Variants in EPB41L4B observed in about 807,000 individuals in gnomAD.
The protein encoded by EPB41L4B is erythrocyte membrane protein band 4.1 like 4B.
A neutral mutation model predicts 112.5 loss-of-function variants in EPB41L4B; 30 were observed. The ratio of observed to expected loss-of-function variants is 0.27; its 90% CI spans 0.20 to 0.36. The LOEUF (loss-of-function observed/expected upper bound fraction) is 0.36. Ranked by LOEUF, EPB41L4B falls within the 10% of genes least tolerant of loss-of-function variation. The pLI is 1.00. For missense variants in EPB41L4B, 1,024 were observed against 1,133.3 expected (o/e 0.90, Z 1.38); for synonymous variants, 408 against 439.7 (o/e 0.93, Z 0.90).
chr9:109,314,189 C>T lies in EPB41L4B; in HGVS notation c.306+5952G>A, dbSNP rs534239369. 4.6e-5 allele frequency among the ~76,000 whole-genome samples: 7 copies of T among 152,258 alleles called. No individual in the cohort carries two copies. The South Asian group carries it at 8.3e-4, about 18-fold the overall frequency. On this transcript the variant is annotated intron_variant, in intron 1 of 25. Transcript: ENST00000374566. ...GCCCGGGGAGGAGCCCACTCCCAGC[C>T]GGCCAAAGGAAGTCAAGCAGTGGGC...
Position 109,251,472 on chromosome 9 carries a change from G to A in EPB41L4B, c.1310+9C>T. ...GGAGAGCTGTGCTCTAGAGCTCAAG[G>A]ACACTCACCAGAGCTGGGCTGCTAT... On this transcript the variant is annotated intron_variant, in intron 13 of 25. Coordinates refer to ENST00000374566, the MANE Select transcript of EPB41L4B (RefSeq NM_019114.5). 1 of 1,612,888 alleles carries A rather than the reference G, an allele frequency of 6.2e-7. No individual in the cohort carries two copies. The highest frequency in any genetic ancestry group is 8.5e-7 in the Non-Finnish European group (1 of 1,178,808).
intron 6 of EPB41L4B, among the ~76,000 whole-genome samples, chr9:109,261,308 G>A (rs570215487): frequency 3.3e-5 from 5 of 152,166 alleles, no homozygotes; most frequent in South Asian, 2.1e-4. Context: ...AGTTCTTGGC[G>A]GGGGTGGGGT....
At chr9:109,241,741 T>C in intron 15 of EPB41L4B, 1 of 1,614,216 alleles carries the variant, frequency 6.2e-7, no homozygotes, top group South Asian at 1.1e-5. Flanking sequence ...GTCGTGGACA[T>C]AATCAAAATG....
At chr9:109,243,252 A>C (rs1268719179) in intron 15 of EPB41L4B, among the ~76,000 whole-genome samples, 3 of 151,642 alleles carry the variant, frequency 2.0e-5, no homozygotes, top group East Asian at 3.9e-4. Context: ...AAAAAAAAAA[A>C]ACCCCATGAC....
At chr9:109,300,061 T>C (rs1271243638) in intron 1 of EPB41L4B, 1 of 152,024 alleles carries the variant, frequency 6.6e-6, no homozygotes, top group African/African-American at 2.4e-5. Flanking sequence ...AGAGACTAGG[T>C]GGGGCGGGGG....
At chr9:109,316,996 T>C (rs1837658548) in intron 1 of EPB41L4B, among the ~76,000 whole-genome samples, 1 of 152,002 alleles carries the variant, frequency 6.6e-6, no homozygotes, top group African/African-American at 2.4e-5. Context: ...TCCCAGCTAC[T>C]AGAGAGGCTG....
At chr9:109,288,874 G>C (rs1363868735) in intron 1 of EPB41L4B, among the ~76,000 whole-genome samples, 1 of 151,338 alleles carries the variant, frequency 6.6e-6, no homozygotes, top group Non-Finnish European at 1.5e-5. Context: ...ACTCTAGCCT[G>C]GATAACACAG....
chr9:109,200,430 A>G (rs1177781267), intron 19 of EPB41L4B, 96 bp from the exon 20 acceptor site: 1 of 818,836 alleles, frequency 1.2e-6, no homozygotes. Context: ...TGTACACCTT[A>G]ATAACATTGA....
At chr9:109,247,673 AG>A in intron 14 of EPB41L4B, 82 bp downstream of exon 14, 1 of 996,002 alleles carries the variant, frequency 1.0e-6, no homozygotes. Context: ...TGGAAAATTT[AG>A]AAACTTTACA....
At chr9:109,281,033 A>G (rs1836014025) in intron 1 of EPB41L4B, among the ~76,000 whole-genome samples, 1 of 152,162 alleles carries the variant, frequency 6.6e-6, no homozygotes, top group South Asian at 2.1e-4. Flanking sequence ...ATAAAGCCTC[A>G]TGACTTTGAG....
intron 17 of EPB41L4B, among the ~76,000 whole-genome samples, chr9:109,212,106 C>A (rs1833203551): frequency 6.6e-6 from 1 of 152,146 alleles, no homozygotes; most frequent in Admixed American, 6.6e-5. Context: ...CTCAGGTAGG[C>A]CTTCACCCAG....
chr9:109,313,984 T>C (rs1426395220), intron 1 of EPB41L4B, among the ~76,000 whole-genome samples: 1 of 152,216 alleles, frequency 6.6e-6, no homozygotes, highest in African/African-American at 2.4e-5. Context: ...TATTTTCAAA[T>C]GGGTCTTCGA....
At position 109,247,210 on chromosome 9, in the gene EPB41L4B, G is replaced by T. The variant is rs1332684418; in HGVS notation, c.1344+546C>A. Among the ~76,000 whole-genome samples the T allele has an allele frequency of 2.6e-5, 4 of 151,290 alleles. No homozygotes were observed. In the East Asian group the frequency reaches 5.8e-4, roughly 22 times the overall value. On this transcript the variant is annotated intron_variant, in intron 14 of 25. Transcript: ENST00000374566. ...TTTTTTTTAATCAGGGGCGTGAGAG[G>T]GGAGCAATTCGCAAATAATTTGGGG...
In EPB41L4B at chr9:109,232,360, G is replaced by GT. The variant is rs375368805; in HGVS notation, c.1409+11257dup. Among the ~76,000 whole-genome samples the GT allele has an allele frequency of 1.5e-3, 229 of 151,794 alleles. 2 individuals carry two copies. The highest frequency in any genetic ancestry group is 4.8e-3 in the African/African-American group (200 of 41,332). On this transcript the variant is annotated intron_variant, in intron 15 of 25. Coordinates refer to ENST00000374566, the MANE Select transcript of EPB41L4B (RefSeq NM_019114.5). ...TTCTGTGTTCCTGTGCCTTTATTCTGTTTTTTCAGGTGGCAACAGCATTAA... is the reference window on the plus strand; with the variant it reads ...TTCTGTGTTCCTGTGCCTTTATTCTGTTTTTTTCAGGTGGCAACAGCATTAA...
At chr9:109,235,748 C>T (rs999705732) in intron 15 of EPB41L4B, among the ~76,000 whole-genome samples, 2 of 152,208 alleles carry the variant, frequency 1.3e-5, no homozygotes, top group South Asian at 2.1e-4. Flanking sequence ...TGGACAGCTA[C>T]GACCTTACGA....
chr9:109,235,090 T>G (rs149929173), intron 15 of EPB41L4B, among the ~76,000 whole-genome samples: 3,946 of 152,306 alleles, frequency 0.026, 59 homozygotes, highest in African/African-American at 0.031. Flanking sequence ...ACCAATTCTT[T>G]ACTCTATGCC....
chr9:109,242,219 G>A (rs1376958568), intron 15 of EPB41L4B, among the ~76,000 whole-genome samples: 2 of 152,210 alleles, frequency 1.3e-5, no homozygotes, highest in South Asian at 2.1e-4. Flanking sequence ...TATCTTTGTA[G>A]AGCTTGAAAA....
chr9:109,186,151 C>T (rs1055094734), intron 22 of EPB41L4B, among the ~76,000 whole-genome samples: 1 of 151,962 alleles, frequency 6.6e-6, no homozygotes, highest in Non-Finnish European at 1.5e-5. Context: ...CAACAGAGGG[C>T]ACCAGGAAAG....
intron 1 of EPB41L4B, among the ~76,000 whole-genome samples, chr9:109,315,357 G>C (rs1038960110): frequency 6.6e-6 from 1 of 152,056 alleles, no homozygotes; most frequent in Non-Finnish European, 1.5e-5. Context: ...AGAAATTCTC[G>C]GGGTGTGCTC....
Sources: gnomAD v4.1 joint callset for allele counts (sites outside exome capture counted in the v4.1 genomes callset) on GRCh38, gnomAD v4.1.1 for gene constraint, MANE v1.5 for transcripts, NCBI Gene and HGNC (gene_info 2026-07-23, HGNC 2026-07-21) for gene names.